The following SPATS2L variants were observed in gnomAD, a reference collection of about 807,000 sequenced individuals.
SPATS2L encodes SPATS2-like protein.
SPATS2L carries 30 observed loss-of-function variants against 59.6 expected under a neutral mutation model. The ratio of observed to expected loss-of-function variants is 0.50; its 90% CI spans 0.38 to 0.68. The LOEUF (loss-of-function observed/expected upper bound fraction) is 0.68, where lower values mean the gene tolerates loss of function less well. Ranked by LOEUF, SPATS2L falls within the 30% of genes least tolerant of loss-of-function variation. The pLI, the probability that SPATS2L is intolerant of heterozygous loss-of-function variation, is 0.00. For synonymous variants in SPATS2L, 252 were observed against 263.5 expected, an observed-to-expected ratio of 0.96 and a Z score of 0.42; for missense variants, 615 against 700.0, an observed-to-expected ratio of 0.88 and a Z score of 1.37.
intron 1 of SPATS2L, among the ~76,000 whole-genome samples, chr2:200,324,174 C>G (rs1371042473): frequency 6.6e-6 from 1 of 152,150 alleles, no homozygotes; most frequent in Non-Finnish European, 1.5e-5. Flanking sequence ...TTATCTTAGT[C>G]CCTTAAGACA....
chr2:200,347,053 C>A (rs1037141888), intron 2 of SPATS2L, among the ~76,000 whole-genome samples: 1 of 152,158 alleles, frequency 6.6e-6, no homozygotes, highest in Non-Finnish European at 1.5e-5. Context: ...ACCAAAGACT[C>A]ATGTGTTTTA....
chr2:200,373,815 A>G (rs1321882463), intron 2 of SPATS2L, among the ~76,000 whole-genome samples: 3 of 152,176 alleles, frequency 2.0e-5, no homozygotes, highest in Admixed American at 2.0e-4. Flanking sequence ...GCTTGCACCA[A>G]TTTGAAGTTA....
intron 1 of SPATS2L, among the ~76,000 whole-genome samples, chr2:200,315,496 T>G (rs1343914702): frequency 6.6e-6 from 1 of 152,190 alleles, no homozygotes; most frequent in Non-Finnish European, 1.5e-5. Flanking sequence ...GAGCCAGGTC[T>G]CTGAGATTCC....
rs148637997 is a variant in SPATS2L at position 200,396,689 on chromosome 2, C to T, written c.39+7406C>T. ...TTAACTCCATTTAATAGATAACTCG[C>T]TTCATGGGATTTGACACAAGTTTTA... On this transcript the variant is annotated intron_variant, in intron 3 of 12. Transcript: ENST00000409140. Among the ~76,000 whole-genome samples, 166 of 152,278 alleles carry T rather than the reference C, an allele frequency of 1.1e-3. 1 individual carries two copies. In the East Asian group the frequency reaches 0.031, roughly 28 times the overall value.
intron 1 of SPATS2L, among the ~76,000 whole-genome samples, chr2:200,324,052 G>A (rs1051186260): frequency 6.6e-6 from 1 of 152,112 alleles, no homozygotes; most frequent in Non-Finnish European, 1.5e-5. Context: ...GGGTCTGACT[G>A]CAAGAGAGTA....
At chr2:200,403,274 C>A (rs572614839) in intron 3 of SPATS2L, among the ~76,000 whole-genome samples, 1 of 152,186 alleles carries the variant, frequency 6.6e-6, no homozygotes, top group East Asian at 1.9e-4. Flanking sequence ...CATATTTTAA[C>A]AGGATATGCT....
chr2:200,315,813 G>T (rs2079352181), intron 1 of SPATS2L, among the ~76,000 whole-genome samples: 1 of 145,380 alleles, frequency 6.9e-6, no homozygotes, highest in South Asian at 2.2e-4. Context: ...GAGATATGCA[G>T]AGCTTCTGGC....
chr2:200,425,779 G>C (rs1380541092), intron 6 of SPATS2L, among the ~76,000 whole-genome samples: 1 of 152,154 alleles, frequency 6.6e-6, no homozygotes, highest in African/African-American at 2.4e-5. Context: ...GGGTCGCGGG[G>C]GATGGGGAGA....
At chr2:200,348,517 T>G (rs1233719394) in intron 2 of SPATS2L, among the ~76,000 whole-genome samples, 1 of 152,200 alleles carries the variant, frequency 6.6e-6, no homozygotes, top group East Asian at 1.9e-4. Context: ...GAGAGCAGAC[T>G]GTGGGAAGTC....
In SPATS2L at chr2:200,306,858, C is replaced by G; in HGVS notation, c.-137C>G. 4.1e-6 allele frequency: 4 copies of G among 980,932 alleles called. No homozygotes were observed. The highest frequency in any genetic ancestry group is 4.8e-6 in the Non-Finnish European group (4 of 828,158). The allele number at this position is 980,932 out of a possible 1,614,324, so 60.8% of individuals were successfully genotyped here. On this transcript the variant is annotated 5_prime_UTR_variant, in exon 1 of 13. Transcript: ENST00000409140. ...GGCCGCCACCGCCGCGGCGCCTCCC[C>G]TGGCGACCGCGCCCCCGGGCCCCGG... is the stretch of plus-strand genomic sequence containing the variant.
At chr2:200,373,950 G>A (rs1049111954) in intron 2 of SPATS2L, among the ~76,000 whole-genome samples, 5 of 152,132 alleles carry the variant, frequency 3.3e-5, no homozygotes, top group African/African-American at 1.2e-4. Flanking sequence ...GCTGGGATAG[G>A]ATGAGAAGGA....
At chr2:200,321,209 C>A (rs2079550154) in intron 1 of SPATS2L, among the ~76,000 whole-genome samples, 1 of 152,040 alleles carries the variant, frequency 6.6e-6, no homozygotes, top group Non-Finnish European at 1.5e-5. Flanking sequence ...TTGGTGGACC[C>A]AGGACGTTTG....
At chr2:200,415,000 C>T (rs1016451881) in intron 4 of SPATS2L, among the ~76,000 whole-genome samples, 3 of 152,226 alleles carry the variant, frequency 2.0e-5, no homozygotes, top group East Asian at 3.9e-4. Flanking sequence ...AAAACTGAAG[C>T]GTAGCTATAA....
At chr2:200,322,692 A>G (rs1216814314) in intron 1 of SPATS2L, among the ~76,000 whole-genome samples, 2 of 152,206 alleles carry the variant, frequency 1.3e-5, no homozygotes, top group African/African-American at 2.4e-5. Flanking sequence ...AGATCAAGGT[A>G]CAGGTATTGC....
chr2:200,340,706 A>G (rs560276141), intron 2 of SPATS2L, among the ~76,000 whole-genome samples: 1 of 152,296 alleles, frequency 6.6e-6, no homozygotes, highest in Non-Finnish European at 1.5e-5. Context: ...GACAGTCACC[A>G]TGGGTTACAC....
chr2:200,427,391 A>T (rs192347954), intron 6 of SPATS2L, among the ~76,000 whole-genome samples: 205 of 151,332 alleles, frequency 1.4e-3, no homozygotes, highest in African/African-American at 4.9e-3. Context: ...TAAGAATTAA[A>T]CCTGTTTTGC....
rs746838119 is a variant in SPATS2L, at chr2:200,459,843, A to C, written c.847+16A>C. 12 of 1,588,494 alleles carry C rather than the reference A, an allele frequency of 7.6e-6. No individual in the cohort carries two copies. The Admixed American group carries it at 2.0e-4, about 27-fold the overall frequency. The stretch of plus-strand genomic sequence containing the variant: ...GAAGAAGCCAGTAAGTAGACAACAC[A>C]TGGTTATTTGATTAGGAGCTTCCCA... On this transcript the variant is annotated intron_variant, in intron 9 of 12. Coordinates refer to ENST00000409140, the MANE Select transcript of SPATS2L (RefSeq NM_001100423.2).
intron 2 of SPATS2L, among the ~76,000 whole-genome samples, chr2:200,375,554 T>C (rs1574310104): frequency 6.6e-6 from 1 of 152,166 alleles, no homozygotes; most frequent in South Asian, 2.1e-4. Context: ...AGGTTGGAGG[T>C]ATGCTGGGAG....
At chr2:200,370,580 C>A (rs907159729) in intron 2 of SPATS2L, among the ~76,000 whole-genome samples, 1 of 152,062 alleles carries the variant, frequency 6.6e-6, no homozygotes, top group Non-Finnish European at 1.5e-5. Flanking sequence ...TTTGATGAAA[C>A]AATAGAAATA....
Sources: allele counts gnomAD v4.1 joint callset (sites outside exome capture counted in the v4.1 genomes callset), GRCh38; gene constraint gnomAD v4.1.1; transcripts MANE v1.5; gene names NCBI Gene and HGNC (gene_info 2026-07-23, HGNC 2026-07-21).